Variants in VAV3 observed in about 807,000 individuals in gnomAD.
VAV3 encodes vav guanine nucleotide exchange factor 3.
A neutral mutation model predicts 131.2 loss-of-function variants in VAV3; 94 were observed. That is an observed-to-expected ratio of 0.72 (90% CI 0.61 to 0.85). VAV3 has a LOEUF of 0.85. Among genes scored for constraint, VAV3 ranks in the 40% least tolerant of loss-of-function variants. The pLI is 0.00. For synonymous variants in VAV3, 349 were observed against 342.0 expected (o/e 1.02, Z -0.22); for missense variants, 939 against 1,002.7 (o/e 0.94, Z 0.86).
At chr1:107,610,754 T>C (rs1200318278) in intron 21 of VAV3, among the ~76,000 whole-genome samples, 1 of 152,198 alleles carries the variant, frequency 6.6e-6, no homozygotes, top group Non-Finnish European at 1.5e-5. Context: ...ATATTAATGT[T>C]AAAAATAAGA....
At chr1:107,642,240 T>G (rs1302883605) in intron 20 of VAV3, among the ~76,000 whole-genome samples, 2 of 152,054 alleles carry the variant, frequency 1.3e-5, no homozygotes, top group African/African-American at 4.8e-5. Flanking sequence ...ATAAAACAGG[T>G]TGCAGTAAAG....
Position 107,760,814 on chromosome 1 carries a change from T to C in VAV3, c.987A>G (p.Gln329=), listed in dbSNP as rs1557828003. 1 of 1,613,862 alleles carries C rather than the reference T, an allele frequency of 6.2e-7. No individual in the cohort carries two copies. The highest frequency in any genetic ancestry group is 1.7e-5 in the Admixed American group (1 of 60,020). ...GGAGAAGGTGGTACTTTAAAACACG[T>C]TGCATAGGAACCACAAGCAAGTCTC... ...TLRDLLVVPM[Q]RVLKYHLLLQ... Residue 329 remains glutamine (Q), a synonymous_variant, in exon 10 of 27, where the codon CAA becomes CAG. Coordinates refer to ENST00000370056, the MANE Select transcript of VAV3 (RefSeq NM_006113.5).
chr1:107,910,902 C>A (rs529408499), intron 1 of VAV3, among the ~76,000 whole-genome samples: 2 of 152,132 alleles, frequency 1.3e-5, no homozygotes, highest in Admixed American at 1.3e-4. Context: ...ACCGCTTAAA[C>A]CTAGGAGGCG....
At chr1:107,794,103 T>G (rs746181647) in intron 2 of VAV3, among the ~76,000 whole-genome samples, 1 of 152,260 alleles carries the variant, frequency 6.6e-6, no homozygotes, top group East Asian at 1.9e-4. Context: ...AAGATAGCTC[T>G]GGCTGACAAT....
intron 20 of VAV3, among the ~76,000 whole-genome samples, chr1:107,630,348 A>AGAATGGATGGGAGGATGGATGGAT (rs1553178112): frequency 6.6e-6 from 1 of 150,678 alleles, no homozygotes; most frequent in Non-Finnish European, 1.5e-5. Context: ...AATGGATGGG[A>AGAATGGATGGGAGGATGGATGGAT]GGATGGATGG....
intron 15 of VAV3, among the ~76,000 whole-genome samples, chr1:107,733,097 G>T (rs1662358213): frequency 6.6e-6 from 1 of 152,178 alleles, no homozygotes; most frequent in Non-Finnish European, 1.5e-5. Context: ...GGAAAACAGG[G>T]TCTGGAGTGG....
At chr1:107,854,872 A>G (rs940021204) in intron 2 of VAV3, among the ~76,000 whole-genome samples, 1 of 152,222 alleles carries the variant, frequency 6.6e-6, no homozygotes, top group Non-Finnish European at 1.5e-5. Flanking sequence ...TTAACATGCT[A>G]AAGTTTAATT....
chr1:107,666,947 T>G (rs559628557), intron 19 of VAV3, among the ~76,000 whole-genome samples: 1 of 152,030 alleles, frequency 6.6e-6, no homozygotes, highest in South Asian at 2.1e-4. Context: ...AGCTCTGGAG[T>G]TTCTGTATCA....
At chr1:107,834,242 C>T (rs758866346) in intron 2 of VAV3, among the ~76,000 whole-genome samples, 12 of 152,090 alleles carry the variant, frequency 7.9e-5, no homozygotes, top group Non-Finnish European at 1.5e-4. Context: ...ATGATACACC[C>T]GTAAATTATT....
intron 1 of VAV3, among the ~76,000 whole-genome samples, chr1:107,946,055 G>A (rs1341819239): frequency 1.3e-5 from 2 of 152,042 alleles, no homozygotes; most frequent in African/African-American, 4.8e-5. Context: ...CAAGCATGGG[G>A]AAGCATTCTA....
intron 2 of VAV3, among the ~76,000 whole-genome samples, chr1:107,864,516 G>A (rs1386667773): frequency 6.6e-6 from 1 of 152,128 alleles, no homozygotes; most frequent in Non-Finnish European, 1.5e-5. Context: ...CCAGCTACTC[G>A]GGAGGCTGAG....
intron 25 of VAV3, among the ~76,000 whole-genome samples, chr1:107,586,613 G>A (rs1352430174): frequency 1.3e-5 from 2 of 152,060 alleles, no homozygotes; most frequent in African/African-American, 4.8e-5. Context: ...ATCAGAGGGT[G>A]GTGAAGATGG....
chr1:107,659,585 T>C (rs1005259583), intron 19 of VAV3, among the ~76,000 whole-genome samples: 4 of 152,160 alleles, frequency 2.6e-5, no homozygotes, highest in Non-Finnish European at 5.9e-5. Context: ...TATATGTAGA[T>C]AAACATAAAA....
chr1:107,962,169 A>T (rs1386921043), intron 1 of VAV3, among the ~76,000 whole-genome samples: 4 of 152,226 alleles, frequency 2.6e-5, no homozygotes, highest in African/African-American at 9.7e-5. Flanking sequence ...GAATCTAAGT[A>T]GACAGAACGA....
chr1:107,695,433 T>C (rs6583041), intron 17 of VAV3, among the ~76,000 whole-genome samples: 127,964 of 152,108 alleles, frequency 0.84, 54,218 homozygotes, highest in Middle Eastern at 0.96. Context: ...GGAGGAGAGC[T>C]AAGAAGAACA....
intron 22 of VAV3, among the ~76,000 whole-genome samples, chr1:107,605,581 C>G (rs1652198597): frequency 6.6e-6 from 1 of 152,160 alleles, no homozygotes; most frequent in Admixed American, 6.5e-5. Context: ...CGTTGAGCAT[C>G]TCTAATCTTA....
chr1:107,627,532 A>C (rs1410615835), intron 20 of VAV3, among the ~76,000 whole-genome samples: 5 of 152,204 alleles, frequency 3.3e-5, no homozygotes, highest in Admixed American at 3.3e-4. Context: ...GAAACAAAAA[A>C]TACCTGATTA....
chr1:107,675,594 A>G (rs184124460), intron 19 of VAV3, among the ~76,000 whole-genome samples: 1 of 152,150 alleles, frequency 6.6e-6, no homozygotes, highest in Non-Finnish European at 1.5e-5. Flanking sequence ...GCCGTGAAGC[A>G]GGTAGTGGCT....
intron 24 of VAV3, among the ~76,000 whole-genome samples, chr1:107,600,381 ATGTT>A (rs1651752915): frequency 6.6e-6 from 1 of 151,938 alleles, no homozygotes; most frequent in Non-Finnish European, 1.5e-5. Flanking sequence ...TCCTTTGCTA[ATGTT>A]TGTTAGTTTC....
Sources: gnomAD v4.1 joint callset for allele counts (sites outside exome capture counted in the v4.1 genomes callset) on GRCh38, gnomAD v4.1.1 for gene constraint, MANE v1.5 for transcripts, NCBI Gene and HGNC (gene_info 2026-07-23, HGNC 2026-07-21) for gene names.